EPSTI1: variants seen among roughly 807,000 people sequenced by gnomAD.
EPSTI1 encodes epithelial stromal interaction 1, also known as epithelial-stromal interaction protein 1.
In EPSTI1, 66 loss-of-function variants were observed where a neutral mutation model predicts 49.9. That is an observed-to-expected ratio of 1.32 (90% CI 1.08 to 1.62). EPSTI1 has a LOEUF of 1.62. Among genes scored for constraint, EPSTI1 ranks in the 40% most tolerant of loss-of-function variants. The pLI, the probability that EPSTI1 is intolerant of heterozygous loss-of-function variation, is 0.00. For missense variants in EPSTI1, 394 were observed against 365.5 expected (o/e 1.08, Z -0.64); for synonymous variants, 137 against 130.7 (o/e 1.05, Z -0.33).
chr13:42,940,008 A>G, intron 6 of EPSTI1, among the ~76,000 whole-genome samples: 1 of 152,196 alleles, frequency 6.6e-6, no homozygotes, highest in East Asian at 1.9e-4. Flanking sequence ...AAATCTATTC[A>G]CAACACAGCA....
intron 1 of EPSTI1, among the ~76,000 whole-genome samples, chr13:42,991,696 G>A (rs969380275): frequency 1.2e-4 from 18 of 152,160 alleles, no homozygotes; most frequent in African/African-American, 4.1e-4. Context: ...AGGCAGTTCC[G>A]ACACACCCAT....
intron 6 of EPSTI1, among the ~76,000 whole-genome samples, chr13:42,946,947 T>C (rs1167597948): frequency 6.6e-6 from 1 of 152,202 alleles, no homozygotes; most frequent in African/African-American, 2.4e-5. Context: ...GCCCCATTCA[T>C]GGAAAAATTG....
chr13:42,930,091 A>G (rs1266021830), intron 6 of EPSTI1, among the ~76,000 whole-genome samples: 1 of 152,246 alleles, frequency 6.6e-6, no homozygotes, highest in African/African-American at 2.4e-5. Context: ...ACAGATGGAT[A>G]TTCAATATGC....
intron 5 of EPSTI1, among the ~76,000 whole-genome samples, chr13:42,961,472 G>T (rs755318579): frequency 4.6e-5 from 7 of 152,130 alleles, no homozygotes; most frequent in Non-Finnish European, 7.4e-5. Flanking sequence ...TTACATTCCT[G>T]AACTGAATAC....
intron 6 of EPSTI1, among the ~76,000 whole-genome samples, chr13:42,938,593 A>C (rs867533850): frequency 1.4e-4 from 22 of 152,110 alleles, no homozygotes; most frequent in Middle Eastern, 3.4e-3. Context: ...TTTTCTTCCA[A>C]TAGAAGGCCG....
chr13:42,970,466 G>T (rs2039737731), intron 2 of EPSTI1, 146 bp downstream of exon 2: 4 of 563,344 alleles, frequency 7.1e-6, no homozygotes, highest in Non-Finnish European at 8.9e-6. Context: ...ATTTTTAAAG[G>T]TATAATCAAA....
chr13:42,917,638 A>G lies in EPSTI1; in HGVS notation c.658-14T>C, dbSNP rs766932322. On this transcript the variant is annotated splice_polypyrimidine_tract_variant and intron_variant, in intron 7 of 10. Transcript: ENST00000313624. The stretch of plus-strand genomic sequence containing the variant: ...CCAGCTTCTGGCCTGTAAAGGTACA[A>G]AGAGAAAAAAAAAAAAAAAAACAAC... 3.0e-6 allele frequency: 3 copies of G among 990,232 alleles called. No homozygotes were observed. The highest frequency in any genetic ancestry group is 4.4e-6 in the Non-Finnish European group (3 of 680,190). 61.3% of individuals were successfully genotyped at this position (990,232 alleles called of 1,614,324 possible).
intron 6 of EPSTI1, among the ~76,000 whole-genome samples, chr13:42,927,773 A>G (rs1366039650): frequency 6.6e-6 from 1 of 152,244 alleles, no homozygotes; most frequent in Non-Finnish European, 1.5e-5. Context: ...TAGATTACTT[A>G]TCTTGCCCAG....
intron 1 of EPSTI1, among the ~76,000 whole-genome samples, chr13:42,990,716 G>A (rs1487527420): frequency 6.6e-6 from 1 of 152,106 alleles, no homozygotes; most frequent in Non-Finnish European, 1.5e-5. Flanking sequence ...AATATTAAAG[G>A]CCTGGTACTT....
chr13:42,979,496 G>A (rs1017716137), intron 1 of EPSTI1, among the ~76,000 whole-genome samples: 27 of 151,664 alleles, frequency 1.8e-4, no homozygotes, highest in Non-Finnish European at 2.7e-4. Flanking sequence ...GCAGGAGAAT[G>A]GCGTGAACCC....
In EPSTI1 at chr13:42,895,328, C is replaced by T. The variant is rs574816775; in HGVS notation, c.816-220G>A. Among the ~76,000 whole-genome samples, 300 of 152,328 alleles carry T rather than the reference C, an allele frequency of 2.0e-3. 1 individual carries two copies. The highest frequency in any genetic ancestry group is 3.4e-3 in the Non-Finnish European group (229 of 68,032). ...ATCTTGGCTCAAGCCAAAGGGGATA[C>T]GAATTCTTAACCTGAGAGTTTCAGG... On this transcript the variant is annotated intron_variant, in intron 9 of 10. Transcript: ENST00000313624.
chr13:42,892,051 C>T (rs181190501), intron 10 of EPSTI1, among the ~76,000 whole-genome samples: 282 of 152,148 alleles, frequency 1.9e-3, no homozygotes, highest in African/African-American at 6.5e-3. Flanking sequence ...TGAAGGAGGA[C>T]AAACCATATG....
In EPSTI1 at chr13:42,964,090, C is replaced by A. The variant is rs1230378688; in HGVS notation, c.381G>T (p.Leu127=). 2.5e-6 allele frequency: 4 copies of A among 1,613,502 alleles called. No individual in the cohort carries two copies. The South Asian group carries it at 4.4e-5, about 18-fold the overall frequency. Reference sequence around the variant, plus strand: ...CCTTTTGCTTGTATTTAGATTGCATCAGCTGGAGTTGTTGTTTCTGTCTGA... The same window carrying A: ...CCTTTTGCTTGTATTTAGATTGCATAAGCTGGAGTTGTTGTTTCTGTCTGA... ...TEVRQKQQLQ[L]MQSKYKQKLK... The change falls in exon 4 of 11, where the codon CTG becomes CTT. Residue 127 remains leucine, a synonymous_variant. Coordinates refer to ENST00000313624, the MANE Select transcript of EPSTI1 (RefSeq NM_033255.5).
intron 3 of EPSTI1, among the ~76,000 whole-genome samples, chr13:42,964,711 A>G (rs1247715830): frequency 6.6e-6 from 1 of 152,188 alleles, no homozygotes; most frequent in Non-Finnish European, 1.5e-5. Context: ...CATACTATTT[A>G]TTGTTCTTTC....
intron 6 of EPSTI1, among the ~76,000 whole-genome samples, chr13:42,943,413 C>G (rs2038822582): frequency 6.6e-6 from 1 of 152,202 alleles, no homozygotes; most frequent in Non-Finnish European, 1.5e-5. Context: ...CAAACACTAT[C>G]CTGGATCTCT....
intron 5 of EPSTI1, among the ~76,000 whole-genome samples, chr13:42,954,296 T>G (rs920369943): frequency 2.0e-5 from 3 of 152,242 alleles, no homozygotes; most frequent in African/African-American, 7.2e-5. Flanking sequence ...TTAGTTCAAA[T>G]GATAGCAACA....
In EPSTI1 at chr13:42,888,424, A is replaced by G. The variant is rs1408269490; in HGVS notation, c.*70T>C. ...AAACAGTGAGGCTGAACAAAATCAC[A>G]TTAAGAAAAAGCATCTCATGAGGCT... is the stretch of plus-strand genomic sequence containing the variant. On this transcript the variant is annotated 3_prime_UTR_variant, in exon 11 of 11. Transcript: ENST00000313624. The G allele has an allele frequency of 2.5e-6, 4 of 1,614,176 alleles. No homozygotes were observed. The highest frequency in any genetic ancestry group is 3.4e-6 in the Non-Finnish European group (4 of 1,180,018).
At chr13:42,953,539 C>T (rs2039166182) in intron 6 of EPSTI1, among the ~76,000 whole-genome samples, 1 of 152,198 alleles carries the variant, frequency 6.6e-6, no homozygotes. Flanking sequence ...TTTCTCAATT[C>T]TTGTCTAGAA....
chr13:42,946,099 C>A (rs1327508581), intron 6 of EPSTI1, among the ~76,000 whole-genome samples: 3 of 152,148 alleles, frequency 2.0e-5, no homozygotes, highest in Non-Finnish European at 4.4e-5. Context: ...CCATGAAGGG[C>A]ATTAGAAGTT....
Sources: allele counts gnomAD v4.1 joint callset (sites outside exome capture counted in the v4.1 genomes callset), GRCh38; gene constraint gnomAD v4.1.1; transcripts MANE v1.5; gene names NCBI Gene and HGNC (gene_info 2026-07-23, HGNC 2026-07-21).